Variants in ANKRD11 observed in about 807,000 individuals in gnomAD.
ANKRD11 encodes the protein ankyrin repeat domain-containing protein 11.
In ANKRD11, 17 loss-of-function variants were observed where a neutral mutation model predicts 195.7. That is an observed-to-expected ratio of 0.09 (90% CI 0.06 to 0.13). ANKRD11 has a LOEUF of 0.13. Ranked by LOEUF, ANKRD11 falls within the 10% of genes least tolerant of loss-of-function variation. The pLI is 1.00. For missense variants in ANKRD11, 3,735 were observed against 3,566.1 expected (o/e 1.05, Z -1.21); for synonymous variants, 1,953 against 1,528.1 (o/e 1.28, Z -6.49).
chr16:89,476,457 T>A (rs2057261830), intron 1 of ANKRD11, among the ~76,000 whole-genome samples: 1 of 152,146 alleles, frequency 6.6e-6, no homozygotes, highest in African/African-American at 2.4e-5. Context: ...CACATCAACA[T>A]CAGGAATAAA....
At chr16:89,337,837 TGCC>T (rs2038452134) in intron 2 of ANKRD11, among the ~76,000 whole-genome samples, 1 of 152,138 alleles carries the variant, frequency 6.6e-6, no homozygotes, top group Non-Finnish European at 1.5e-5. Flanking sequence ...GAGTCAGCAA[TGCC>T]TGTTCCTCTC....
At chr16:89,391,676 T>G (rs2041206808) in intron 2 of ANKRD11, among the ~76,000 whole-genome samples, 1 of 152,196 alleles carries the variant, frequency 6.6e-6, no homozygotes, top group South Asian at 2.1e-4. Flanking sequence ...TTTAATACCC[T>G]GTTCTCAATC....
chr16:89,338,468 C>G (rs960910096), intron 2 of ANKRD11, among the ~76,000 whole-genome samples: 1 of 150,168 alleles, frequency 6.7e-6, no homozygotes, highest in Non-Finnish European at 1.5e-5. Context: ...TGGCTCACAC[C>G]TGTGTAATCC....
At chr16:89,268,916 G>A (rs1464797830) in intron 12 of ANKRD11, among the ~76,000 whole-genome samples, 3 of 152,216 alleles carry the variant, frequency 2.0e-5, no homozygotes, top group Admixed American at 6.5e-5. Flanking sequence ...ACCCTGGCCC[G>A]GGGGCCCTGC....
intron 2 of ANKRD11, among the ~76,000 whole-genome samples, chr16:89,355,720 TTA>T (rs1378745457): frequency 6.6e-6 from 1 of 152,230 alleles, no homozygotes; most frequent in African/African-American, 2.4e-5. Context: ...CTTCATCTTG[TTA>T]TGAGCATCCA....
At chr16:89,432,958 C>A in intron 1 of ANKRD11, among the ~76,000 whole-genome samples, 1 of 143,076 alleles carries the variant, frequency 7.0e-6, no homozygotes, top group African/African-American at 2.7e-5. Context: ...CTCTCTCTCT[C>A]TCTCTCTCTC....
intron 2 of ANKRD11, chr16:89,324,197 A>G (rs1332106794): frequency 7.7e-6 from 9 of 1,175,754 alleles, no homozygotes; most frequent in Non-Finnish European, 9.6e-6. Flanking sequence ...CAGCACCGAG[A>G]GCGCGTTCAG....
At chr16:89,274,251 C>T (rs1049017052) in intron 11 of ANKRD11, among the ~76,000 whole-genome samples, 3 of 152,248 alleles carry the variant, frequency 2.0e-5, no homozygotes, top group South Asian at 2.1e-4. Flanking sequence ...CAGGGGTGGG[C>T]GGGAGCCCCA....
chr16:89,374,871 T>TTAA (rs1229013097), intron 2 of ANKRD11, among the ~76,000 whole-genome samples: 7 of 152,046 alleles, frequency 4.6e-5, no homozygotes, highest in Non-Finnish European at 1.0e-4. Flanking sequence ...CTGAAAAACT[T>TTAA]ATTAGAGATT....
At chr16:89,374,298 A>C (rs2040322599) in intron 2 of ANKRD11, among the ~76,000 whole-genome samples, 1 of 152,148 alleles carries the variant, frequency 6.6e-6, no homozygotes, top group South Asian at 2.1e-4. Flanking sequence ...ATTACTAGAG[A>C]GCCGAGGTCA....
At chr16:89,446,915 C>A (rs997759138) in intron 1 of ANKRD11, among the ~76,000 whole-genome samples, 2 of 151,958 alleles carry the variant, frequency 1.3e-5, no homozygotes, top group Admixed American at 6.5e-5. Flanking sequence ...TCTGTCCCTG[C>A]AGTTCCAGGG....
chr16:89,337,961 C>T (rs935322217), intron 2 of ANKRD11, among the ~76,000 whole-genome samples: 1 of 152,228 alleles, frequency 6.6e-6, no homozygotes, highest in African/African-American at 2.4e-5. Context: ...GTCCAGCTTC[C>T]AAGCTCACTG....
intron 2 of ANKRD11, among the ~76,000 whole-genome samples, chr16:89,335,286 C>A (rs1383169176): frequency 6.6e-6 from 1 of 152,140 alleles, no homozygotes; most frequent in Non-Finnish European, 1.5e-5. Flanking sequence ...CAGTGCACCC[C>A]CAAGCAGGGG....
chr16:89,379,526 C>T (rs1012338191), intron 2 of ANKRD11, among the ~76,000 whole-genome samples: 3 of 152,168 alleles, frequency 2.0e-5, no homozygotes, highest in African/African-American at 2.4e-5. Context: ...CTTGCTCTGT[C>T]GCCCAGACAG....
chr16:89,322,768 C>T (rs1597632869), intron 2 of ANKRD11, among the ~76,000 whole-genome samples: 1 of 152,100 alleles, frequency 6.6e-6, no homozygotes, highest in Admixed American at 6.6e-5. Context: ...TGGGCACAGC[C>T]CCGCATGGTG....
chr16:89,334,144 T>TTAAAAAAA (rs1488481148), intron 2 of ANKRD11, among the ~76,000 whole-genome samples: 1 of 41,410 alleles, frequency 2.4e-5, no homozygotes, highest in African/African-American at 9.6e-5. Flanking sequence ...CCCTGTGTTT[T>TTAAAAAAA]AAAAAAAAAA....
At chr16:89,455,489 G>A (rs940662401) in intron 1 of ANKRD11, among the ~76,000 whole-genome samples, 4 of 152,246 alleles carry the variant, frequency 2.6e-5, no homozygotes, top group African/African-American at 9.6e-5. Context: ...CACCAGGTGG[G>A]GATGTCACTG....
Position 89,270,494 on chromosome 16 carries a change from G to A in ANKRD11, c.7806+323C>T, listed in dbSNP as rs374910576. The stretch of plus-strand genomic sequence containing the variant: ...GGCCAGCACTTCCAGAGCAGTGGAG[G>A]GTGAATGCTGGGACCTTAGAGGGGG... On this transcript the variant is annotated intron_variant, in intron 12 of 12. Transcript: ENST00000301030. 9.5e-6 allele frequency: 4 copies of A among 418,988 alleles called. No individual in the cohort carries two copies. In the East Asian group the frequency reaches 2.1e-4, roughly 22 times the overall value. 26.0% of individuals were successfully genotyped at this position (418,988 alleles called of 1,614,324 possible).
At chr16:89,474,460 TA>T (rs764794916) in intron 1 of ANKRD11, among the ~76,000 whole-genome samples, 610 of 142,486 alleles carry the variant, frequency 4.3e-3, no homozygotes, top group Admixed American at 4.5e-3. Context: ...CTACCTTATG[TA>T]AAAAAAAAAA....
Sources: allele counts gnomAD v4.1 joint callset (sites outside exome capture counted in the v4.1 genomes callset), GRCh38; gene constraint gnomAD v4.1.1; transcripts MANE v1.5; gene names NCBI Gene and HGNC (gene_info 2026-07-23, HGNC 2026-07-21).